The following MGAT5B variants were observed in gnomAD, a reference collection of about 807,000 sequenced individuals.
MGAT5B encodes the protein alpha-1,6-mannosylglycoprotein 6-beta-N-acetylglucosaminyltransferase B, also known as N-acetylglucosaminyl-transferase Vb.
MGAT5B carries 54 observed loss-of-function variants against 95.1 expected under a neutral mutation model. That is an observed-to-expected ratio of 0.57 (90% confidence interval 0.46 to 0.71). The LOEUF (loss-of-function observed/expected upper bound fraction) is 0.71, where lower values mean the gene tolerates loss of function less well. MGAT5B is among the 30% of genes least tolerant of loss of function. The pLI is 0.00. For synonymous variants in MGAT5B, 464 were observed against 451.0 expected, an observed-to-expected ratio of 1.03 and a Z score of -0.36; for missense variants, 935 against 1,088.6, an observed-to-expected ratio of 0.86 and a Z score of 1.99.
intron 3 of MGAT5B, among the ~76,000 whole-genome samples, chr17:76,888,314 G>A (rs780670420): frequency 5.3e-5 from 8 of 151,980 alleles, no homozygotes; most frequent in East Asian, 3.9e-4. Flanking sequence ...TCCATGTCCC[G>A]TGTGGTGTGT....
chr17:76,905,095 CT>C lies in MGAT5B; in HGVS notation c.691-73del. The C allele has an allele frequency of 6.7e-7, 1 of 1,485,376 alleles. No individual in the cohort carries two copies. Among genetic ancestry groups the C allele is most frequent in the East Asian group, 2.3e-5 (1 of 42,930 alleles). 92.0% of individuals were successfully genotyped at this position (1,485,376 alleles called of 1,614,324 possible). On this transcript the variant is annotated intron_variant, in intron 6 of 17. Coordinates refer to ENST00000569840, the MANE Select transcript of MGAT5B (RefSeq NM_001199172.2). The surrounding 1 kb of genome is among the most constrained non-coding windows in gnomAD (Gnocchi z 4.2). ...CAGCCTCATGGGAGGGTGCCAGCCCCTGTCCCCAGGCCAGCGGGGAATGATG... is the reference window on the plus strand; with the variant it reads ...CAGCCTCATGGGAGGGTGCCAGCCCCGTCCCCAGGCCAGCGGGGAATGATG...
At position 76,892,344 on chromosome 17, in the gene MGAT5B, G is replaced by A. The variant is rs1051073620; in HGVS notation, c.329+10046G>A. Among the ~76,000 whole-genome samples, 34 of 152,234 alleles carry A rather than the reference G, an allele frequency of 2.2e-4. 1 individual carries two copies. The highest frequency in any genetic ancestry group is 8.0e-4 in the African/African-American group (33 of 41,474). On this transcript the variant is annotated intron_variant, in intron 3 of 17. Coordinates refer to ENST00000569840, the MANE Select transcript of MGAT5B (RefSeq NM_001199172.2). ...ATTACGGGCGTGAGCCACCACGCTC[G>A]GCCAGGTAGGAAGTCTTTAGAAGGA...
At chr17:76,936,678 G>T (rs1372467179) in intron 12 of MGAT5B, among the ~76,000 whole-genome samples, 3 of 151,588 alleles carry the variant, frequency 2.0e-5, no homozygotes, top group Non-Finnish European at 4.4e-5. Flanking sequence ...CATGTTTCAT[G>T]ACCATTTACT....
At position 76,917,366 on chromosome 17, in the gene MGAT5B, G is replaced by A. The variant is rs979010558; in HGVS notation, c.1026-7600G>A. 4.6e-5 allele frequency among the ~76,000 whole-genome samples: 7 copies of A among 151,986 alleles called. No homozygotes were observed. The highest frequency in any genetic ancestry group is 2.1e-4 in the South Asian group (1 of 4,794). ...GGTGCCTTCCCACAGCAGGTATCTC[G>A]TCACCCCAGTCCAGCATACATTTAT... On this transcript the variant is annotated intron_variant, in intron 8 of 17. Transcript: ENST00000569840. This position sits in a 1 kb window ranked among gnomAD's most constrained non-coding sequence, Gnocchi z 6.1.
intron 8 of MGAT5B, among the ~76,000 whole-genome samples, chr17:76,920,949 T>C (rs764890346): frequency 1.3e-5 from 2 of 152,372 alleles, no homozygotes; most frequent in Middle Eastern, 3.4e-3. Context: ...GGTCAGGTCC[T>C]GTCCCTGGTC....
chr17:76,912,566 G>A lies in MGAT5B; in HGVS notation c.1025+6379G>A, dbSNP rs1192548360. Among the ~76,000 whole-genome samples the A allele has an allele frequency of 6.6e-6, 1 of 152,106 alleles. No individual in the cohort carries two copies. The highest frequency in any genetic ancestry group is 1.5e-5 in the Non-Finnish European group (1 of 68,020). ...TTATTCGCAGATGTTCACGGCAGAT[G>A]TCCTGGCCACTGATGGAGCAACAAG... On this transcript the variant is annotated intron_variant, in intron 8 of 17. Transcript: ENST00000569840. The surrounding 1 kb of genome is among the most constrained non-coding windows in gnomAD (Gnocchi z 5.0).
At chr17:76,897,519 C>T (rs562868618) in intron 3 of MGAT5B, among the ~76,000 whole-genome samples, 13 of 152,036 alleles carry the variant, frequency 8.6e-5, no homozygotes, top group Non-Finnish European at 1.6e-4. Flanking sequence ...CTGCCTGCTT[C>T]GTCACATGGT....
At position 76,905,938 on chromosome 17, in the gene MGAT5B, T is replaced by A; in HGVS notation, c.856-80T>A. ...GGAGACAGGGTCTGCTGCCGGCTGG[T>A]CTCCTGGCCGGTGCCCCGGGGGGGC... On this transcript the variant is annotated intron_variant, in intron 7 of 17. Coordinates refer to ENST00000569840, the MANE Select transcript of MGAT5B (RefSeq NM_001199172.2). This position sits in a 1 kb window ranked among gnomAD's most constrained non-coding sequence, Gnocchi z 4.2. 3 of 1,453,912 alleles carry A rather than the reference T, an allele frequency of 2.1e-6. No homozygotes were observed. The highest frequency in any genetic ancestry group is 2.7e-6 in the Non-Finnish European group (3 of 1,094,800). 90.1% of individuals were successfully genotyped at this position (1,453,912 alleles called of 1,614,324 possible).
chr17:76,901,793 G>A lies in MGAT5B; in HGVS notation c.330-762G>A, dbSNP rs111898722. Among the ~76,000 whole-genome samples, 1,220 of 152,332 alleles carry A rather than the reference G, an allele frequency of 8.0e-3. 22 individuals carry two copies. The highest frequency in any genetic ancestry group is 0.028 in the African/African-American group (1,181 of 41,576). Reference sequence around the variant, plus strand: ...CTTGGGAGGAAATAGAGACAGACTCGGAGAGGCCCGGCTGTGCCTAGGAAA... The same window carrying A: ...CTTGGGAGGAAATAGAGACAGACTCAGAGAGGCCCGGCTGTGCCTAGGAAA... On this transcript the variant is annotated intron_variant, in intron 3 of 17. Transcript: ENST00000569840.
chr17:76,882,477 T>G (rs761180466), intron 3 of MGAT5B, 179 bp downstream of exon 3: 3 of 701,800 alleles, frequency 4.3e-6, no homozygotes, highest in Non-Finnish European at 6.4e-6. Context: ...TTTGGTCACA[T>G]TTGTGGCCTG....
At chr17:76,874,802 A>G (rs1382886256) in intron 2 of MGAT5B, among the ~76,000 whole-genome samples, 1 of 152,012 alleles carries the variant, frequency 6.6e-6, no homozygotes, top group African/African-American at 2.4e-5. Flanking sequence ...GCTCGGTGCT[A>G]TGCAGTTTTG....
intron 3 of MGAT5B, among the ~76,000 whole-genome samples, chr17:76,883,444 C>T (rs903861431): frequency 3.3e-5 from 5 of 152,178 alleles, no homozygotes; most frequent in African/African-American, 1.2e-4. Context: ...TGTCTGAGAG[C>T]CCAGAGTCTG....
intron 2 of MGAT5B, among the ~76,000 whole-genome samples, chr17:76,879,306 C>T (rs1967317335): frequency 6.6e-6 from 1 of 152,158 alleles, no homozygotes; most frequent in African/African-American, 2.4e-5. Flanking sequence ...AGCGTCACCC[C>T]AAAAGCCACG....
chr17:76,931,341 C>T (rs545643676), intron 10 of MGAT5B, among the ~76,000 whole-genome samples: 8 of 152,358 alleles, frequency 5.3e-5, no homozygotes, highest in Admixed American at 3.9e-4. Context: ...AGGTGATCCA[C>T]CTGCCTTGGC....
Position 76,870,733 on chromosome 17 carries a change from C to T in MGAT5B, c.68+1636C>T, listed in dbSNP as rs1479173625. 1.3e-5 allele frequency among the ~76,000 whole-genome samples: 2 copies of T among 152,082 alleles called. No homozygotes were observed. Among genetic ancestry groups the T allele is most frequent in the African/African-American group, 2.4e-5 (1 of 41,424 alleles). ...CGGAGACCCGCAGCCATCAGTGAGT[C>T]CCTTCAGTTGAGGTGGGGGGCAGGC... On this transcript the variant is annotated intron_variant, in intron 1 of 17. Transcript: ENST00000569840. The surrounding 1 kb of genome is among the most constrained non-coding windows in gnomAD (Gnocchi z 5.0).
chr17:76,936,019 G>A (rs1349540657), intron 12 of MGAT5B, among the ~76,000 whole-genome samples: 4 of 149,454 alleles, frequency 2.7e-5, no homozygotes, highest in Middle Eastern at 3.4e-3. Flanking sequence ...CATTCGGGTC[G>A]CAAACTCCTG....
At chr17:76,888,582 G>A (rs978708050) in intron 3 of MGAT5B, among the ~76,000 whole-genome samples, 7 of 152,188 alleles carry the variant, frequency 4.6e-5, no homozygotes, top group African/African-American at 1.4e-4. Context: ...TAAATCAGGA[G>A]AGGGAGTCAG....
chr17:76,899,087 A>G (rs1225509859), intron 3 of MGAT5B, among the ~76,000 whole-genome samples: 2 of 152,232 alleles, frequency 1.3e-5, no homozygotes, highest in South Asian at 2.1e-4. Context: ...GCCTCGCTCC[A>G]GGGAGAGGTG....
intron 15 of MGAT5B, among the ~76,000 whole-genome samples, chr17:76,945,890 G>A (rs1024304479): frequency 2.6e-5 from 4 of 152,136 alleles, no homozygotes; most frequent in African/African-American, 9.7e-5. Flanking sequence ...GAGACATGAC[G>A]AATACACAGG....
Sources: gnomAD v4.1 joint callset for allele counts (sites outside exome capture counted in the v4.1 genomes callset) on GRCh38, gnomAD v4.1.1 for gene constraint, Gnocchi (gnomAD v3.1) non-coding constraint, MANE v1.5 for transcripts, NCBI Gene and HGNC (gene_info 2026-07-23, HGNC 2026-07-21) for gene names.